HUWE1: variants seen among roughly 807,000 people sequenced by gnomAD.
The protein encoded by HUWE1 is E3 ubiquitin-protein ligase HUWE1.
HUWE1 carries 18 observed loss-of-function variants against 299.4 expected under a neutral mutation model. The ratio of observed to expected loss-of-function variants is 0.06; its 90% CI spans 0.04 to 0.09. The LOEUF (loss-of-function observed/expected upper bound fraction) is 0.09. Among genes scored for constraint, HUWE1 ranks in the 10% least tolerant of loss-of-function variants. The probability of loss-of-function intolerance (pLI) is 1.00; values close to 1 mark genes in which losing one functional copy is unlikely to be tolerated. For synonymous variants in HUWE1, 1,317 were observed against 1,286.1 expected, an observed-to-expected ratio of 1.02 and a Z score of -0.51; for missense variants, 1,832 against 3,462.3, an observed-to-expected ratio of 0.53 and a Z score of 11.82.
At chrX:53,602,334 G>GTTTT (rs78904716) in intron 28 of HUWE1, among the ~76,000 whole-genome samples, 1 of 93,581 alleles carries the variant, frequency 1.1e-5, no homozygotes, top group Non-Finnish European at 2.1e-5. Context: ...CTTCCAAAAT[G>GTTTT]TTTTTTTTTT....
intron 3 of HUWE1, among the ~76,000 whole-genome samples, chrX:53,674,498 A>G (rs1221202346): frequency 8.9e-6 from 1 of 112,384 alleles, no homozygotes; most frequent in African/African-American, 3.2e-5. Context: ...AAATGCATCT[A>G]AAGAGTAAGT....
In HUWE1 at chrX:53,532,644, G is replaced by C. The variant is rs1301801312; in HGVS notation, c.*665C>G. On this transcript the variant is annotated 3_prime_UTR_variant, in exon 84 of 84. Transcript: ENST00000262854. The stretch of plus-strand genomic sequence containing the variant: ...GCAGAAACTGACTCTGAAGGAGGAA[G>C]TTGCACCAGTGGTGGAGGCAGGTGG... 1 of 110,582 alleles carries C rather than the reference G, an allele frequency of 9.0e-6. No homozygotes were observed. The highest frequency in any genetic ancestry group is 1.9e-5 in the Non-Finnish European group (1 of 52,938). 9.1% of individuals were successfully genotyped at this position (110,582 alleles called of 1,213,427 possible).
intron 25 of HUWE1, among the ~76,000 whole-genome samples, chrX:53,606,191 T>C (rs1369360209): frequency 8.9e-6 from 1 of 111,945 alleles, no homozygotes; most frequent in African/African-American, 3.2e-5. Context: ...GAAAAATATA[T>C]GCAAATCATA....
At chrX:53,666,899 TAACAA>T (rs1312160218) in intron 3 of HUWE1, among the ~76,000 whole-genome samples, 4 of 111,735 alleles carry the variant, frequency 3.6e-5, no homozygotes, top group African/African-American at 1.3e-4. Flanking sequence ...AGTAAATGCT[TAACAA>T]AACTAAAAAA....
At chrX:53,622,507 A>G (rs1052589248) in intron 19 of HUWE1, among the ~76,000 whole-genome samples, 2 of 111,626 alleles carry the variant, frequency 1.8e-5, no homozygotes, top group Non-Finnish European at 3.8e-5. Context: ...TGTAACGGGC[A>G]CAAGTTTAGG....
At chrX:53,604,005 G>A (rs1471515421) in intron 26 of HUWE1, among the ~76,000 whole-genome samples, 2 of 111,451 alleles carry the variant, frequency 1.8e-5, no homozygotes, top group Non-Finnish European at 3.8e-5. Context: ...TTAAACTTCA[G>A]ATTTGATTGA....
Position 53,589,685 on chromosome X carries a change from A to G in HUWE1, c.4323T>C (p.Asp1441=). The G allele has an allele frequency of 8.3e-7, 1 of 1,211,767 alleles. No homozygotes were observed. The highest frequency in any genetic ancestry group is 2.3e-4 in the Middle Eastern group (1 of 4,352). ...LEQDELHTFT[D]TMLPGCFHLL... The stretch of plus-strand genomic sequence containing the variant: ...GGTGGAAGCAGCCTGGCAACATAGT[A>G]TCTGTGAAAGTGTGGAGCTCATCTT... Residue 1441 remains aspartate (D), a synonymous_variant, in exon 36 of 84, where the codon GAT becomes GAC. Transcript: ENST00000262854.
At chrX:53,620,257 CTTT>C (rs869154000) in intron 19 of HUWE1, among the ~76,000 whole-genome samples, 1 of 95,843 alleles carries the variant, frequency 1.0e-5, no homozygotes. Flanking sequence ...TTCCATTTGT[CTTT>C]TTTTTTTTTT....
intron 2 of HUWE1, among the ~76,000 whole-genome samples, chrX:53,681,583 G>A (rs1161210637): frequency 3.6e-5 from 4 of 111,899 alleles, no homozygotes; most frequent in Admixed American, 1.9e-4. Context: ...AAGAAGCTGG[G>A]TATTCCAAAT....
intron 2 of HUWE1, among the ~76,000 whole-genome samples, chrX:53,683,115 T>C (rs1176168305): frequency 1.8e-5 from 2 of 110,685 alleles, no homozygotes; most frequent in African/African-American, 6.6e-5. Flanking sequence ...AGGGGACCAA[T>C]GGAAGGGGGA....
At chrX:53,599,465 CAA>C (rs1237820309) in intron 29 of HUWE1, among the ~76,000 whole-genome samples, 3 of 110,944 alleles carry the variant, frequency 2.7e-5, no homozygotes, top group Admixed American at 1.9e-4. Flanking sequence ...TACGAACACA[CAA>C]ATAGGTTCCC....
Position 53,535,922 on chromosome X carries a change from GTTTTTTTT to G in HUWE1, c.12531+217_12531+224del, listed in dbSNP as rs34675759. The G allele has an allele frequency of 1.3e-3, 223 of 166,890 alleles. 1 individual carries two copies. The highest frequency in any genetic ancestry group is 8.0e-3 in the African/African-American group (200 of 25,136). 13.8% of individuals were successfully genotyped at this position (166,890 alleles called of 1,213,427 possible). A position where few individuals can be genotyped will look rare whatever the true frequency, so the allele number is the denominator to read the frequency against. On this transcript the variant is annotated intron_variant, in intron 80 of 83. Transcript: ENST00000262854. ...TGGGAATGAGGAATTATGTACTGGAGTTTTTTTTTTTTTTTTTTTTTAATAAAGGTGAA... is the reference window on the plus strand; with the variant it reads ...TGGGAATGAGGAATTATGTACTGGAGTTTTTTTTTTTTTAATAAAGGTGAA...
In HUWE1 at chrX:53,607,232, A is replaced by G. The variant is rs184351414; in HGVS notation, c.2496+291T>C. The stretch of plus-strand genomic sequence containing the variant: ...CTATAACAAAGAAGGGAGAGGTACT[A>G]ATAAAACCCAACTAGAAAAGCTTTC... On this transcript the variant is annotated intron_variant, in intron 25 of 83. Coordinates refer to ENST00000262854, the MANE Select transcript of HUWE1 (RefSeq NM_031407.7). Among the ~76,000 whole-genome samples the G allele has an allele frequency of 1.4e-4, 16 of 111,784 alleles. No homozygotes were observed. In the East Asian group the frequency reaches 4.5e-3, roughly 32 times the overall value.
In HUWE1 at chrX:53,630,226, T is replaced by C. The variant is rs1557021511; in HGVS notation, c.863-610A>G. ...AAATCATGCTAGATATGAGTACACA[T>C]AAAAGAGCAAGAATTTCACGCCAAG... On this transcript the variant is annotated intron_variant, in intron 12 of 83. Transcript: ENST00000262854. Among the ~76,000 whole-genome samples the C allele has an allele frequency of 4.5e-5, 5 of 112,078 alleles. No homozygotes were observed. The Admixed American group carries it at 4.7e-4, about 11-fold the overall frequency.
chrX:53,604,796 G>A lies in HUWE1; in HGVS notation c.2535C>T (p.Leu845=). ...AGGAGAGGATGGAGTCCAACTGAAG[G>A]AGACCCTCTTGAAGGACTTTGGGTT... The part of the protein sequence containing the change: ...SHEPKVLQEG[L]LQLDSILSSL... The change falls in exon 26 of 84, where the codon CTC becomes CTT. Residue 845 remains leucine, a synonymous_variant. Coordinates refer to ENST00000262854, the MANE Select transcript of HUWE1 (RefSeq NM_031407.7). The A allele has an allele frequency of 8.3e-7, 1 of 1,209,872 alleles. No homozygotes were observed. Among genetic ancestry groups the A allele is most frequent in the Non-Finnish European group, 1.1e-6 (1 of 893,543 alleles).
intron 3 of HUWE1, among the ~76,000 whole-genome samples, chrX:53,678,414 T>C (rs782228337): frequency 6.3e-5 from 7 of 111,667 alleles, no homozygotes; most frequent in Non-Finnish European, 9.4e-5. Context: ...TAACCAGTCG[T>C]TGAGGAAACA....
intron 7 of HUWE1, among the ~76,000 whole-genome samples, chrX:53,637,259 C>T (rs781805979): frequency 7.1e-5 from 8 of 112,441 alleles, no homozygotes; most frequent in Non-Finnish European, 1.3e-4. Context: ...TCTTAATTAC[C>T]ACACTATTTA....
chrX:53,543,803 G>A, intron 73 of HUWE1, 38 bp downstream of exon 73: 1 of 1,210,593 alleles, frequency 8.3e-7, no homozygotes, highest in African/African-American at 1.7e-5. Flanking sequence ...GATGAGTGGA[G>A]AGACAAATGA....
rs1298814526 is a variant in HUWE1 at position 53,645,735 on chromosome X, AAATATATATATATATATAT to A, written c.352-291_352-273del. ...CTCAAAAAAAGAAAAAAAAAAAAAA[AAATATATATATATATATAT>A]ATATATATATATATATATATATGTA... On this transcript the variant is annotated intron_variant, in intron 6 of 83. Transcript: ENST00000262854. 1.1e-4 allele frequency among the ~76,000 whole-genome samples: 3 copies of A among 26,160 alleles called. No individual in the cohort carries two copies. In the Admixed American group the frequency reaches 1.5e-3, roughly 13 times the overall value. 22.7% of individuals were successfully genotyped at this position (26,160 alleles called of 115,157 possible). A position where few individuals can be genotyped will look rare whatever the true frequency, so the allele number is the denominator to read the frequency against.
Sources: gnomAD v4.1 joint callset for allele counts (sites outside exome capture counted in the v4.1 genomes callset) on GRCh38, gnomAD v4.1.1 for gene constraint, MANE v1.5 for transcripts, NCBI Gene and HGNC (gene_info 2026-07-23, HGNC 2026-07-21) for gene names.